The following PTPRD variants were observed in gnomAD, a reference collection of about 807,000 sequenced individuals.
PTPRD encodes the protein protein tyrosine phosphatase receptor type D, also known as receptor-type tyrosine-protein phosphatase delta.
PTPRD carries 34 observed loss-of-function variants against 214.5 expected under a neutral mutation model. That is an observed-to-expected ratio of 0.16 (90% confidence interval 0.12 to 0.21). PTPRD has a LOEUF of 0.21. Ranked by LOEUF, PTPRD falls within the 10% of genes least tolerant of loss-of-function variation. The pLI is 1.00. For missense variants in PTPRD, 2,545 were observed against 2,398.7 expected (o/e 1.06, Z -1.27); for synonymous variants, 1,128 against 845.7 (o/e 1.33, Z -5.79).
intron 6 of PTPRD, among the ~76,000 whole-genome samples, chr9:9,736,022 A>G (rs537690640): frequency 1.0e-3 from 159 of 152,262 alleles, no homozygotes; most frequent in African/African-American, 3.6e-3. Context: ...GGGTAAGTGT[A>G]TATGTATATA....
intron 11 of PTPRD, among the ~76,000 whole-genome samples, chr9:8,960,144 G>C (rs1450989788): frequency 6.6e-6 from 1 of 151,998 alleles, no homozygotes; most frequent in Non-Finnish European, 1.5e-5. Context: ...ACTTCTCTAA[G>C]CCTCAATTTC....
intron 2 of PTPRD, among the ~76,000 whole-genome samples, chr9:10,491,186 T>C (rs1475301535): frequency 6.6e-6 from 1 of 152,152 alleles, no homozygotes; most frequent in African/African-American, 2.4e-5. Context: ...TAATCACAAA[T>C]GAATGTTAAA....
intron 4 of PTPRD, among the ~76,000 whole-genome samples, chr9:10,016,388 GATAGA>G (rs2096715463): frequency 2.8e-5 from 4 of 141,364 alleles, no homozygotes; most frequent in Admixed American, 7.2e-5. Context: ...TAGATAGATA[GATAGA>G]TAGACAGATA....
intron 39 of PTPRD, among the ~76,000 whole-genome samples, chr9:8,368,908 A>G (rs2080727930): frequency 6.6e-6 from 1 of 152,102 alleles, no homozygotes; most frequent in African/African-American, 2.4e-5. Context: ...TTACCTTAAA[A>G]TGTTTCCATA....
chr9:8,992,183 T>C (rs538503265), intron 11 of PTPRD, among the ~76,000 whole-genome samples: 9 of 152,270 alleles, frequency 5.9e-5, no homozygotes, highest in East Asian at 1.9e-4. Flanking sequence ...TGAATGGCTA[T>C]AGAAGGAAAG....
At chr9:9,451,352 T>C (rs1367028199) in intron 8 of PTPRD, among the ~76,000 whole-genome samples, 1 of 151,684 alleles carries the variant, frequency 6.6e-6, no homozygotes, top group East Asian at 1.9e-4. Flanking sequence ...TATTAAATAA[T>C]TCAAAATTAA....
intron 3 of PTPRD, among the ~76,000 whole-genome samples, chr9:10,049,864 C>T (rs532416347): frequency 2.0e-5 from 3 of 152,286 alleles, no homozygotes; most frequent in South Asian, 4.1e-4. Context: ...TGACAAGGGA[C>T]TTTGGTGTGA....
chr9:9,037,865 G>C (rs1803849268), intron 10 of PTPRD, among the ~76,000 whole-genome samples: 1 of 152,172 alleles, frequency 6.6e-6, no homozygotes, highest in Non-Finnish European at 1.5e-5. Context: ...GATTTTCACT[G>C]TGCTGACTAC....
intron 3 of PTPRD, among the ~76,000 whole-genome samples, chr9:10,229,732 C>T (rs1054478806): frequency 3.3e-5 from 5 of 151,550 alleles, no homozygotes; most frequent in East Asian, 3.9e-4. Flanking sequence ...GGGATAGCAT[C>T]AGGAGATATA....
intron 2 of PTPRD, among the ~76,000 whole-genome samples, chr9:10,589,327 A>G (rs929200334): frequency 1.3e-5 from 2 of 152,090 alleles, no homozygotes; most frequent in East Asian, 1.9e-4. Flanking sequence ...ACTTGACCCA[A>G]TAACAAAGTT....
chr9:9,536,779 G>A (rs990369776), intron 8 of PTPRD, among the ~76,000 whole-genome samples: 2 of 152,132 alleles, frequency 1.3e-5, no homozygotes, highest in East Asian at 1.9e-4. Flanking sequence ...AGACTTAAAC[G>A]AAAAGCCCCT....
At chr9:10,428,595 T>C (rs1218714159) in intron 2 of PTPRD, among the ~76,000 whole-genome samples, 1 of 152,114 alleles carries the variant, frequency 6.6e-6, no homozygotes, top group Non-Finnish European at 1.5e-5. Context: ...GATCCCACTG[T>C]TCTCATGTCA....
At chr9:9,799,857 G>A (rs2153504153) in intron 5 of PTPRD, among the ~76,000 whole-genome samples, 1 of 152,170 alleles carries the variant, frequency 6.6e-6, no homozygotes, top group East Asian at 1.9e-4. Flanking sequence ...ACTAGGTGGA[G>A]AGCTTTCTTT....
rs552704743 is a variant in PTPRD, at chr9:9,694,162, T to C, written c.-287+40371A>G. ...CTGGCGTGTTGATTTTTACAGATGT[T>C]TGTTTGTGCCTGGGCATTGAAGAGT... On this transcript the variant is annotated intron_variant, in intron 7 of 45. Coordinates refer to ENST00000381196, the MANE Select transcript of PTPRD (RefSeq NM_002839.4). 5.9e-5 allele frequency among the ~76,000 whole-genome samples: 9 copies of C among 152,260 alleles called. No homozygotes were observed. The South Asian group carries it at 1.9e-3, about 32-fold the overall frequency.
At chr9:8,478,117 G>T (rs1032373825) in intron 30 of PTPRD, among the ~76,000 whole-genome samples, 1 of 152,120 alleles carries the variant, frequency 6.6e-6, no homozygotes, top group Non-Finnish European at 1.5e-5. Flanking sequence ...TAGTACCATT[G>T]GTCCTCATTT....
intron 14 of PTPRD, among the ~76,000 whole-genome samples, chr9:8,610,370 C>T (rs1390951493): frequency 6.6e-6 from 1 of 152,166 alleles, no homozygotes; most frequent in Non-Finnish European, 1.5e-5. Flanking sequence ...ATCTGAGGCA[C>T]TGGAAAGCCT....
At chr9:10,573,485 G>C in intron 2 of PTPRD, among the ~76,000 whole-genome samples, 1 of 152,146 alleles carries the variant, frequency 6.6e-6, no homozygotes, top group Non-Finnish European at 1.5e-5. Flanking sequence ...TATTTGTATG[G>C]AGGAAGGCAA....
At position 10,219,923 on chromosome 9, in the gene PTPRD, C is replaced by T. The variant is rs1452903454; in HGVS notation, c.-545+121040G>A. On this transcript the variant is annotated intron_variant, in intron 3 of 45. Transcript: ENST00000381196. ...GAATAACTTGAATGTAGCAAAAGAG[C>T]TACATTGTTATATACAATCTGGATA... Among the ~76,000 whole-genome samples the T allele has an allele frequency of 2.0e-5, 3 of 151,570 alleles. No individual in the cohort carries two copies. The East Asian group carries it at 5.8e-4, about 29-fold the overall frequency.
intron 5 of PTPRD, among the ~76,000 whole-genome samples, chr9:9,837,281 T>G (rs2153623479): frequency 6.6e-6 from 1 of 152,202 alleles, no homozygotes; most frequent in Non-Finnish European, 1.5e-5. Context: ...GTGATGAAAA[T>G]ATGGGACTAT....
Sources: allele counts gnomAD v4.1 joint callset (sites outside exome capture counted in the v4.1 genomes callset), GRCh38; gene constraint gnomAD v4.1.1; transcripts MANE v1.5; gene names NCBI Gene and HGNC (gene_info 2026-07-23, HGNC 2026-07-21).